Variants in EPHA7 observed in about 807,000 individuals in gnomAD.
EPHA7 encodes ephrin type-A receptor 7.
EPHA7 carries 25 observed loss-of-function variants against 112.6 expected under a neutral mutation model. The ratio of observed to expected loss-of-function variants is 0.22; its 90% CI spans 0.16 to 0.31. The LOEUF (loss-of-function observed/expected upper bound fraction) is 0.31. Among genes scored for constraint, EPHA7 ranks in the 10% least tolerant of loss-of-function variants. EPHA7 has a pLI of 1.00. For synonymous variants in EPHA7, 437 were observed against 406.5 expected (o/e 1.07, Z -0.90); for missense variants, 962 against 1,212.6 (o/e 0.79, Z 3.07).
intron 5 of EPHA7, among the ~76,000 whole-genome samples, chr6:93,322,565 A>G (rs1774128423): frequency 6.6e-6 from 1 of 151,544 alleles, no homozygotes; most frequent in Admixed American, 6.6e-5. Context: ...GCTCCTAAGG[A>G]ACATGCTCTT....
chr6:93,240,666 C>T lies in EPHA7; in HGVS notation c.*2760G>A, dbSNP rs1403317833. The stretch of plus-strand genomic sequence containing the variant: ...CTCTATTAAAGCAAGGAGGCCATTT[C>T]CTTTTGCATTTTTATAATTTTGGAA... On this transcript the variant is annotated 3_prime_UTR_variant, in exon 17 of 17. Transcript: ENST00000369303. 4.7e-6 allele frequency: 1 copy of T among 214,304 alleles called. No individual in the cohort carries two copies. The highest frequency in any genetic ancestry group is 5.9e-5 in the Admixed American group (1 of 17,064). The allele number at this position is 214,304 out of a possible 1,614,324, so 13.3% of individuals were successfully genotyped here.
chr6:93,412,606 T>C (rs2127996007), intron 2 of EPHA7, among the ~76,000 whole-genome samples: 1 of 152,234 alleles, frequency 6.6e-6, no homozygotes, highest in East Asian at 1.9e-4. Context: ...TGTGCCTAGC[T>C]TCCCTTTGTT....
At chr6:93,408,069 A>G (rs369433563) in intron 3 of EPHA7, among the ~76,000 whole-genome samples, 78 of 152,186 alleles carry the variant, frequency 5.1e-4, no homozygotes, top group South Asian at 3.7e-3. Flanking sequence ...AACTGCCACA[A>G]AAACCCGTAA....
At chr6:93,283,312 C>A (rs1771867852) in intron 5 of EPHA7, among the ~76,000 whole-genome samples, 1 of 152,052 alleles carries the variant, frequency 6.6e-6, no homozygotes, top group East Asian at 1.9e-4. Context: ...CAAAACAGAC[C>A]AATCAGCTCT....
intron 5 of EPHA7, among the ~76,000 whole-genome samples, chr6:93,313,391 A>C (rs1650381336): frequency 1.3e-5 from 2 of 152,128 alleles, no homozygotes; most frequent in South Asian, 4.1e-4. Context: ...AAGAGTTGGG[A>C]AAATTTTAAT....
intron 14 of EPHA7, among the ~76,000 whole-genome samples, chr6:93,248,843 G>C (rs1349856196): frequency 1.3e-5 from 2 of 151,986 alleles, no homozygotes; most frequent in East Asian, 3.9e-4. Flanking sequence ...TACACAATTA[G>C]TCACCACTTT....
chr6:93,340,444 G>T (rs564678902), intron 5 of EPHA7, among the ~76,000 whole-genome samples: 3 of 151,762 alleles, frequency 2.0e-5, no homozygotes, highest in Non-Finnish European at 4.4e-5. Flanking sequence ...AATCCAAAAT[G>T]CTCCAAAGTT....
At chr6:93,337,953 G>A (rs1369780952) in intron 5 of EPHA7, among the ~76,000 whole-genome samples, 1 of 152,002 alleles carries the variant, frequency 6.6e-6, no homozygotes. Flanking sequence ...TGAGGATGGA[G>A]GGAGGTGAGG....
chr6:93,298,224 G>A lies in EPHA7; in HGVS notation c.1325-25802C>T, dbSNP rs577024824. On this transcript the variant is annotated intron_variant, in intron 5 of 16. Transcript: ENST00000369303. ...TGCGTTTAATAATAAAGGTATCAACGTTACTGAATAGATTAGTGGGAGCCG... is the reference window on the plus strand; with the variant it reads ...TGCGTTTAATAATAAAGGTATCAACATTACTGAATAGATTAGTGGGAGCCG... Among the ~76,000 whole-genome samples the A allele has an allele frequency of 2.7e-4, 41 of 152,188 alleles. No individual in the cohort carries two copies. In the South Asian group the frequency reaches 7.7e-3, roughly 28 times the overall value.
rs1281404140 is a variant in EPHA7, at chr6:93,243,073, T to A, written c.*353A>T. ...TATTTCATTAATTTTAACAATAAGA[T>A]CATGATTTTATTTGACAAATATATT... On this transcript the variant is annotated 3_prime_UTR_variant, in exon 17 of 17. Coordinates refer to ENST00000369303, the MANE Select transcript of EPHA7 (RefSeq NM_004440.4). 4.3e-6 allele frequency: 1 copy of A among 233,378 alleles called. No individual in the cohort carries two copies. Among genetic ancestry groups the A allele is most frequent in the African/African-American group, 2.2e-5 (1 of 45,268 alleles). 14.5% of individuals were successfully genotyped at this position (233,378 alleles called of 1,614,324 possible). A position where few individuals can be genotyped will look rare whatever the true frequency, so the allele number is the denominator to read the frequency against.
At chr6:93,367,099 C>T (rs552036235) in intron 3 of EPHA7, among the ~76,000 whole-genome samples, 83 of 152,130 alleles carry the variant, frequency 5.5e-4, no homozygotes, top group African/African-American at 2.0e-3. Context: ...TTAATAAACT[C>T]AAACATTAAA....
rs529215774 is a variant in EPHA7 at position 93,242,739 on chromosome 6, A to C, written c.*687T>G. 4.7e-6 allele frequency: 1 copy of C among 214,064 alleles called. No individual in the cohort carries two copies. The highest frequency in any genetic ancestry group is 7.0e-5 in the East Asian group (1 of 14,190). The allele number at this position is 214,064 out of a possible 1,614,324, so 13.3% of individuals were successfully genotyped here. On this transcript the variant is annotated 3_prime_UTR_variant, in exon 17 of 17. Transcript: ENST00000369303. ...TACAAAAAAATTCTTTTTAAAAAATATCAGAGCTCTTGGCAACTTGCATTT... is the reference window on the plus strand; with the variant it reads ...TACAAAAAAATTCTTTTTAAAAAATCTCAGAGCTCTTGGCAACTTGCATTT...
chr6:93,350,925 C>T (rs9345352), intron 5 of EPHA7, among the ~76,000 whole-genome samples: 28,092 of 151,894 alleles, frequency 0.18, 2,937 homozygotes, highest in East Asian at 0.36. Flanking sequence ...TAATCTTTCC[C>T]ACAAATCTTT....
At chr6:93,312,167 A>G (rs749489193) in intron 5 of EPHA7, among the ~76,000 whole-genome samples, 5 of 152,192 alleles carry the variant, frequency 3.3e-5, no homozygotes, top group Admixed American at 6.5e-5. Flanking sequence ...TTTAGCCCTT[A>G]AAAAGAGAGT....
chr6:93,368,717 A>G (rs537905439), intron 3 of EPHA7, among the ~76,000 whole-genome samples: 13 of 152,332 alleles, frequency 8.5e-5, no homozygotes, highest in African/African-American at 3.1e-4. Flanking sequence ...CTTCTATGCA[A>G]AGCAGTCCAA....
intron 3 of EPHA7, among the ~76,000 whole-genome samples, chr6:93,389,800 A>G (rs1422356792): frequency 6.6e-6 from 1 of 152,046 alleles, no homozygotes; most frequent in Non-Finnish European, 1.5e-5. Flanking sequence ...GCACTATTCA[A>G]CAATAACAAC....
At chr6:93,367,087 G>C (rs1214416540) in intron 3 of EPHA7, among the ~76,000 whole-genome samples, 1 of 152,060 alleles carries the variant, frequency 6.6e-6, no homozygotes, top group African/African-American at 2.4e-5. Context: ...GAGGAAGTTA[G>C]CTTAATAAAC....
intron 5 of EPHA7, among the ~76,000 whole-genome samples, chr6:93,325,515 C>A (rs898758813): frequency 6.6e-6 from 1 of 151,256 alleles, no homozygotes; most frequent in Non-Finnish European, 1.5e-5. Flanking sequence ...TAATATCTAT[C>A]ATCCAACTAT....
chr6:93,297,019 C>T (rs1772708922), intron 5 of EPHA7, among the ~76,000 whole-genome samples: 1 of 151,706 alleles, frequency 6.6e-6, no homozygotes, highest in Non-Finnish European at 1.5e-5. Context: ...CTATAGTAAT[C>T]ATTTTATTAT....
Sources: gnomAD v4.1 joint callset for allele counts (sites outside exome capture counted in the v4.1 genomes callset) on GRCh38, gnomAD v4.1.1 for gene constraint, MANE v1.5 for transcripts, NCBI Gene and HGNC (gene_info 2026-07-23, HGNC 2026-07-21) for gene names.